Variants in KDM5A observed in about 807,000 individuals in gnomAD.
The protein encoded by KDM5A is lysine-specific demethylase 5A.
In KDM5A, 42 loss-of-function variants were observed where a neutral mutation model predicts 193.5. That is an observed-to-expected ratio of 0.22 (90% CI 0.17 to 0.28). KDM5A has a LOEUF of 0.28. KDM5A is among the 10% of genes least tolerant of loss of function. The pLI, the probability that KDM5A is intolerant of heterozygous loss-of-function variation, is 1.00. For synonymous variants in KDM5A, 796 were observed against 718.1 expected (o/e 1.11, Z -1.73); for missense variants, 1,692 against 2,055.1 (o/e 0.82, Z 3.42).
At position 307,131 on chromosome 12, in the gene KDM5A, A is replaced by G. The variant is rs765164828; in HGVS notation, c.3931-42T>C. On this transcript the variant is annotated intron_variant, in intron 23 of 27. Transcript: ENST00000399788. This position sits in a 1 kb window ranked among gnomAD's most constrained non-coding sequence, Gnocchi z 4.3. The stretch of plus-strand genomic sequence containing the variant: ...TCCAAGATGAACAGCAAGACATGCT[A>G]AACAGACAGGGTAATTAATGTGTGC... 8 of 1,612,066 alleles carry G rather than the reference A, an allele frequency of 5.0e-6. No individual in the cohort carries two copies. Among genetic ancestry groups the G allele is most frequent in the South Asian group, 2.2e-5 (2 of 91,038 alleles).
chr12:383,162 T>C (rs1374284540), intron 3 of KDM5A, among the ~76,000 whole-genome samples: 2 of 151,974 alleles, frequency 1.3e-5, no homozygotes, highest in East Asian at 1.9e-4. Flanking sequence ...AAAACTAATA[T>C]ATACCACACA....
intron 22 of KDM5A, 134 bp downstream of exon 22, chr12:309,669 G>A (rs1943557804): frequency 2.2e-6 from 2 of 894,012 alleles, no homozygotes; most frequent in Admixed American, 2.5e-5. Flanking sequence ...TACTTTTAAT[G>A]TGAAATATGT....
At position 284,986 on chromosome 12, in the gene KDM5A, G is replaced by GT. The variant is rs1386991311; in HGVS notation, c.*469dup. The GT allele has an allele frequency of 3.8e-6, 1 of 260,404 alleles. No individual in the cohort carries two copies. Among genetic ancestry groups the GT allele is most frequent in the Non-Finnish European group, 7.5e-6 (1 of 133,184 alleles). The allele number at this position is 260,404 out of a possible 1,614,324, so 16.1% of individuals were successfully genotyped here. ...GTATCTTTAGGGCATTAAGTACCAG[G>GT]TAACAGTGGAAGGAAAGTGGTACTC... On this transcript the variant is annotated 3_prime_UTR_variant, in exon 28 of 28. Transcript: ENST00000399788.
intron 3 of KDM5A, among the ~76,000 whole-genome samples, chr12:382,355 C>A (rs113992462): frequency 1.3e-5 from 2 of 151,392 alleles, no homozygotes; most frequent in African/African-American, 4.9e-5. Context: ...CACTTGAACC[C>A]GGGAGGCTGA....
At chr12:293,788 A>AAAG (rs1555126245) in intron 26 of KDM5A, among the ~76,000 whole-genome samples, 4 of 82,886 alleles carry the variant, frequency 4.8e-5, no homozygotes, top group African/African-American at 1.3e-4. Flanking sequence ...CAAAAAAAAA[A>AAAG]GGGGGGGGGG....
intron 3 of KDM5A, among the ~76,000 whole-genome samples, chr12:380,037 G>C (rs1158696244): frequency 1.3e-5 from 2 of 152,124 alleles, no homozygotes; most frequent in East Asian, 1.9e-4. Flanking sequence ...GGGAGGCCAA[G>C]ATGGGAGATC....
intron 5 of KDM5A, 103 bp from the exon 6 acceptor site, chr12:356,640 A>C: frequency 1.3e-6 from 1 of 750,360 alleles, no homozygotes; most frequent in Non-Finnish European, 2.3e-6. Flanking sequence ...CGGAAGAACA[A>C]ATTATTGGAT....
chr12:298,462 T>G (rs1943400933), intron 24 of KDM5A, among the ~76,000 whole-genome samples: 2 of 152,214 alleles, frequency 1.3e-5, no homozygotes, highest in South Asian at 4.1e-4. Context: ...GGGGCCTGAC[T>G]GTTTGAAGGA....
intron 3 of KDM5A, among the ~76,000 whole-genome samples, chr12:380,994 TTTA>T (rs1944566265): frequency 2.8e-5 from 2 of 72,266 alleles, no homozygotes; most frequent in East Asian, 5.4e-4. Context: ...TAGGTTTTAT[TTTA>T]TTTTTTTTTT....
Position 282,888 on chromosome 12 carries a change from C to T in KDM5A, c.*2568G>A, listed in dbSNP as rs1042209345. 11 of 232,284 alleles carry T rather than the reference C, an allele frequency of 4.7e-5. No individual in the cohort carries two copies. Among genetic ancestry groups the T allele is most frequent in the African/African-American group, 1.5e-4 (7 of 45,386 alleles). 14.4% of individuals were successfully genotyped at this position (232,284 alleles called of 1,614,324 possible). A position where few individuals can be genotyped will look rare whatever the true frequency, so the allele number is the denominator to read the frequency against. On this transcript the variant is annotated 3_prime_UTR_variant, in exon 28 of 28. Transcript: ENST00000399788. ...AATCTTGTTTCATTAATTCCAAAACCGCAGATTTGTGTATTTTTTGTTTTG... is the reference window on the plus strand; with the variant it reads ...AATCTTGTTTCATTAATTCCAAAACTGCAGATTTGTGTATTTTTTGTTTTG...
intron 5 of KDM5A, among the ~76,000 whole-genome samples, chr12:359,646 G>A (rs1214541162): frequency 6.6e-6 from 1 of 151,698 alleles, no homozygotes; most frequent in African/African-American, 2.4e-5. Flanking sequence ...GGAGGCTGAG[G>A]TGGGAGGATG....
chr12:281,944 CAAAG>C lies in KDM5A; in HGVS notation c.*3508_*3511del. 3.5e-6 allele frequency: 1 copy of C among 284,706 alleles called. No individual in the cohort carries two copies. The highest frequency in any genetic ancestry group is 2.2e-5 in the African/African-American group (1 of 45,880). 17.6% of individuals were successfully genotyped at this position (284,706 alleles called of 1,614,324 possible). A position where few individuals can be genotyped will look rare whatever the true frequency, so the allele number is the denominator to read the frequency against. On this transcript the variant is annotated 3_prime_UTR_variant, in exon 28 of 28. Transcript: ENST00000399788. Reference sequence around the variant, plus strand: ...ACCTGCTAGCACAGAAGCGCAGAAGCAAAGCCCAGGCAGAACCATGCTAACCTTA... The same window carrying C: ...ACCTGCTAGCACAGAAGCGCAGAAGCCCCAGGCAGAACCATGCTAACCTTA...
intron 3 of KDM5A, among the ~76,000 whole-genome samples, chr12:370,370 G>A (rs1944411468): frequency 6.6e-6 from 1 of 152,134 alleles, no homozygotes; most frequent in African/African-American, 2.4e-5. Context: ...TCCAGCCTGG[G>A]CAACACAGCG....
intron 25 of KDM5A, 165 bp from the exon 26 acceptor site, chr12:295,958 A>G: frequency 1.5e-6 from 1 of 678,688 alleles, no homozygotes; most frequent in Non-Finnish European, 2.6e-6. Flanking sequence ...AGAAACAAAT[A>G]CAGACCAAAA....
At chr12:332,352 C>G (rs1004641337) in intron 12 of KDM5A, among the ~76,000 whole-genome samples, 2 of 152,080 alleles carry the variant, frequency 1.3e-5, no homozygotes, top group Non-Finnish European at 2.9e-5. Context: ...TGAGACATCC[C>G]CAATGAGATG....
intron 16 of KDM5A, 124 bp from the exon 17 acceptor site, chr12:322,691 A>G: frequency 3.7e-6 from 3 of 808,518 alleles, no homozygotes; most frequent in Non-Finnish European, 6.1e-6. Flanking sequence ...TAATTAGTAG[A>G]AACAAACAGC....
At chr12:350,206 GC>G (rs1251452265) in intron 10 of KDM5A, among the ~76,000 whole-genome samples, 1 of 151,974 alleles carries the variant, frequency 6.6e-6, no homozygotes, top group African/African-American at 2.4e-5. Flanking sequence ...GGAAGCCGAG[GC>G]AGGCAGATCA....
In KDM5A at chr12:297,214, AAAGAG is replaced by A; in HGVS notation, c.4075-19_4075-15del. 6.2e-7 allele frequency: 1 copy of A among 1,613,412 alleles called. No homozygotes were observed. Among genetic ancestry groups the A allele is most frequent in the Non-Finnish European group, 8.5e-7 (1 of 1,179,480 alleles). On this transcript the variant is annotated splice_polypyrimidine_tract_variant and intron_variant, in intron 24 of 27. Transcript: ENST00000399788. Reference sequence around the variant, plus strand: ...ACTGGCTGTGTCCTGAAGAAGAAACAAAGAGAAGTATTCAGAATTAGAGTCATTTA... The same window carrying A: ...ACTGGCTGTGTCCTGAAGAAGAAACAAAGTATTCAGAATTAGAGTCATTTA...
rs970031680 is a variant in KDM5A, at chr12:307,760, T to C, written c.3624A>G (p.Val1208=). The change falls in exon 23 of 28, where the codon GTA becomes GTG. Residue 1208 remains valine (V), a synonymous_variant. Transcript: ENST00000399788. The surrounding 1 kb of genome is among the most constrained non-coding windows in gnomAD (Gnocchi z 4.3). ...KKGSSWQAKE[V]KFLCPLCMRS... is the part of the protein sequence containing the mutation. ...GCATACAAAGAGGGCAAAGGAATTTTACTTCTTTAGCTTGCCAGCTGGATC... is the reference window on the plus strand; with the variant it reads ...GCATACAAAGAGGGCAAAGGAATTTCACTTCTTTAGCTTGCCAGCTGGATC... 6.2e-7 allele frequency: 1 copy of C among 1,614,234 alleles called. No homozygotes were observed. Among genetic ancestry groups the C allele is most frequent in the South Asian group, 1.1e-5 (1 of 91,088 alleles).
Sources: allele counts gnomAD v4.1 joint callset (sites outside exome capture counted in the v4.1 genomes callset), GRCh38; gene constraint gnomAD v4.1.1; non-coding constraint Gnocchi (gnomAD v3.1); transcripts MANE v1.5; gene names NCBI Gene and HGNC (gene_info 2026-07-23, HGNC 2026-07-21).